SUCLG2: variants seen among roughly 807,000 people sequenced by gnomAD.
SUCLG2 encodes succinate--CoA ligase [GDP-forming] subunit beta, mitochondrial.
Under a neutral mutation model 47.9 loss-of-function variants are expected in SUCLG2, and 42 were observed. The observed-to-expected ratio is 0.88, with a 90% CI of 0.69 to 1.14. The LOEUF (loss-of-function observed/expected upper bound fraction) is 1.14, where lower values mean the gene tolerates loss of function less well. Ranked by LOEUF, SUCLG2 falls within the 50% of genes most tolerant of loss-of-function variation. The probability of loss-of-function intolerance (pLI) is 0.00; values close to 1 mark genes in which losing one functional copy is unlikely to be tolerated. For missense variants in SUCLG2, 571 were observed against 525.9 expected, an observed-to-expected ratio of 1.09 and a Z score of -0.84; for synonymous variants, 195 against 197.3, an observed-to-expected ratio of 0.99 and a Z score of 0.10.
At chr3:67,396,372 C>A (rs1027209519) in intron 10 of SUCLG2, among the ~76,000 whole-genome samples, 4 of 151,962 alleles carry the variant, frequency 2.6e-5, no homozygotes, top group Admixed American at 6.6e-5. Context: ...TACAAACTAC[C>A]ATCAGAGAAT....
rs751775962 is a variant in SUCLG2 at position 67,636,804 on chromosome 3, C to CTTT, written c.84+17696_84+17698dup. Among the ~76,000 whole-genome samples the CTTT allele has an allele frequency of 3.0e-3, 427 of 144,452 alleles. 5 individuals carry two copies. Among genetic ancestry groups the CTTT allele is most frequent in the African/African-American group, 0.01 (398 of 39,674 alleles). The allele number at this position is 144,452 out of a possible 152,430, so 94.8% of individuals were successfully genotyped here. A position where few individuals can be genotyped will look rare whatever the true frequency, so the allele number is the denominator to read the frequency against. On this transcript the variant is annotated intron_variant, in intron 1 of 10. Transcript: ENST00000307227. ...AGCCACCATGCCTGGCTGGCAGTATCTTTTTTTTTTTTTTAGAATCAGCTG... is the reference window on the plus strand; with the variant it reads ...AGCCACCATGCCTGGCTGGCAGTATCTTTTTTTTTTTTTTTTTAGAATCAGCTG...
In SUCLG2 at chr3:67,446,679, G is replaced by A. The variant is rs142281112; in HGVS notation, c.1063-45828C>T. Among the ~76,000 whole-genome samples, 227 of 151,010 alleles carry A rather than the reference G, an allele frequency of 1.5e-3. 1 individual carries two copies. Among genetic ancestry groups the A allele is most frequent in the African/African-American group, 5.2e-3 (216 of 41,152 alleles). On this transcript the variant is annotated intron_variant, in intron 9 of 10. Coordinates refer to ENST00000307227, the MANE Select transcript of SUCLG2 (RefSeq NM_003848.4). ...GAACTCCTGACGTTGTGATGTGCCC[G>A]CCTCGGCCTCCCAAAGTGCCTGGAT... is the stretch of plus-strand genomic sequence containing the variant.
intron 9 of SUCLG2, among the ~76,000 whole-genome samples, chr3:67,411,080 G>A (rs1702923012): frequency 6.6e-6 from 1 of 152,074 alleles, no homozygotes; most frequent in African/African-American, 2.4e-5. Flanking sequence ...CTTGGTGAAG[G>A]ATCCATTTAT....
rs1188397282 is a variant in SUCLG2, at chr3:67,382,917, C to T, written c.1184-7058G>A. The stretch of plus-strand genomic sequence containing the variant: ...AATGTCCACTGCTCCTGTACCCTTG[C>T]ACCTCCTTCCTTAGTCTCCTTTCAA... On this transcript the variant is annotated intron_variant, in intron 10 of 10. Transcript: ENST00000307227. Among the ~76,000 whole-genome samples the T allele has an allele frequency of 2.0e-5, 3 of 152,188 alleles. No individual in the cohort carries two copies. The East Asian group carries it at 5.8e-4, about 29-fold the overall frequency.
chr3:67,604,729 G>C (rs1708491307), intron 2 of SUCLG2, among the ~76,000 whole-genome samples: 1 of 152,182 alleles, frequency 6.6e-6, no homozygotes, highest in Admixed American at 6.5e-5. Context: ...TCATGAACAA[G>C]TGGTCAACAG....
At chr3:67,446,417 A>ATTTTT (rs750956324) in intron 9 of SUCLG2, among the ~76,000 whole-genome samples, 2 of 32,196 alleles carry the variant, frequency 6.2e-5, no homozygotes, top group African/African-American at 1.3e-4. Context: ...ACATATGTAC[A>ATTTTT]TTTTTTTTTT....
intron 1 of SUCLG2, among the ~76,000 whole-genome samples, chr3:67,634,393 A>G (rs1321345058): frequency 6.6e-6 from 1 of 152,154 alleles, no homozygotes; most frequent in Non-Finnish European, 1.5e-5. Context: ...CAATTTGTAA[A>G]ATTATATTAA....
At position 67,387,369 on chromosome 3, in the gene SUCLG2, C is replaced by T. The variant is rs146056160; in HGVS notation, c.1184-11510G>A. Among the ~76,000 whole-genome samples the T allele has an allele frequency of 1.9e-3, 282 of 152,252 alleles. 3 individuals carry two copies. Among genetic ancestry groups the T allele is most frequent in the African/African-American group, 6.5e-3 (272 of 41,534 alleles). On this transcript the variant is annotated intron_variant, in intron 10 of 10. Coordinates refer to ENST00000307227, the MANE Select transcript of SUCLG2 (RefSeq NM_003848.4). ...TCAGAGACCCTCAGATTTTAAGAGT[C>T]AACTCTTCTCCTGTTCTTAAAGGGG...
intron 1 of SUCLG2, among the ~76,000 whole-genome samples, chr3:67,616,875 T>C (rs897852324): frequency 2.0e-5 from 3 of 152,178 alleles, no homozygotes; most frequent in Admixed American, 2.0e-4. Flanking sequence ...TCAACAGCAG[T>C]GACGACAGTG....
intron 2 of SUCLG2, among the ~76,000 whole-genome samples, chr3:67,541,442 G>GATCA (rs1362721455): frequency 6.6e-6 from 1 of 152,090 alleles, no homozygotes; most frequent in Non-Finnish European, 1.5e-5. Flanking sequence ...AGAGATTGAA[G>GATCA]ATCAACTCAA....
Position 67,545,948 on chromosome 3 carries a change from G to A in SUCLG2, c.227-16762C>T, listed in dbSNP as rs559097466. ...AGAATGTATCCACTTAAATCCCTGT[G>A]AATTGGAACACTCATTATCAATGTG... On this transcript the variant is annotated intron_variant, in intron 2 of 10. Transcript: ENST00000307227. Among the ~76,000 whole-genome samples the A allele has an allele frequency of 3.9e-5, 6 of 152,258 alleles. No homozygotes were observed. In the South Asian group the frequency reaches 1.2e-3, roughly 32 times the overall value.
intron 9 of SUCLG2, among the ~76,000 whole-genome samples, chr3:67,447,340 A>G (rs528716616): frequency 7.9e-5 from 12 of 152,348 alleles, no homozygotes; most frequent in Admixed American, 2.0e-4. Context: ...CTGTTTAAAT[A>G]TAGAAAATAT....
chr3:67,639,070 G>C (rs1188308494), intron 1 of SUCLG2, among the ~76,000 whole-genome samples: 2 of 152,326 alleles, frequency 1.3e-5, no homozygotes, highest in African/African-American at 2.4e-5. Flanking sequence ...CATGTGTCCA[G>C]AGAAAAGAAG....
At chr3:67,465,456 C>CA (rs1704446690) in intron 9 of SUCLG2, among the ~76,000 whole-genome samples, 1 of 152,182 alleles carries the variant, frequency 6.6e-6, no homozygotes, top group Non-Finnish European at 1.5e-5. Flanking sequence ...GGTCTCCACT[C>CA]AAATGTCACC....
intron 2 of SUCLG2, among the ~76,000 whole-genome samples, chr3:67,533,448 G>A (rs1345323568): frequency 6.6e-6 from 1 of 152,124 alleles, no homozygotes; most frequent in Non-Finnish European, 1.5e-5. Context: ...CAACTGCATC[G>A]TGTAATATGT....
At position 67,488,662 on chromosome 3, in the gene SUCLG2, C is replaced by A. The variant is rs117213670; in HGVS notation, c.1062+7136G>T. On this transcript the variant is annotated intron_variant, in intron 9 of 10. Transcript: ENST00000307227. ...ATGCAGAGATTCTTGACATTATTCCCGACCATTATTGATTGTCTTGCTGAG... is the reference window on the plus strand; with the variant it reads ...ATGCAGAGATTCTTGACATTATTCCAGACCATTATTGATTGTCTTGCTGAG... Among the ~76,000 whole-genome samples the A allele has an allele frequency of 4.5e-3, 681 of 152,264 alleles. 10 individuals carry two copies. In the East Asian group the frequency reaches 0.059, roughly 13 times the overall value.
At chr3:67,590,360 T>C (rs961350619) in intron 2 of SUCLG2, among the ~76,000 whole-genome samples, 1 of 152,182 alleles carries the variant, frequency 6.6e-6, no homozygotes, top group Admixed American at 6.5e-5. Context: ...ACAGGTGATA[T>C]GGTTTTGGTG....
chr3:67,653,540 A>G (rs1050013337), intron 1 of SUCLG2, among the ~76,000 whole-genome samples: 1 of 152,238 alleles, frequency 6.6e-6, no homozygotes, highest in Non-Finnish European at 1.5e-5. Flanking sequence ...CTAAAAAACT[A>G]TACTATGCAC....
intron 2 of SUCLG2, among the ~76,000 whole-genome samples, chr3:67,596,480 C>A (rs997542242): frequency 6.6e-6 from 1 of 152,120 alleles, no homozygotes; most frequent in Admixed American, 6.5e-5. Context: ...TAGTTTTTGC[C>A]TCTTCCAAGA....
Sources: allele counts gnomAD v4.1 joint callset (sites outside exome capture counted in the v4.1 genomes callset), GRCh38; gene constraint gnomAD v4.1.1; transcripts MANE v1.5; gene names NCBI Gene and HGNC (gene_info 2026-07-23, HGNC 2026-07-21).